LRMDA: variants seen among roughly 807,000 people sequenced by gnomAD.
LRMDA encodes the protein leucine rich melanocyte differentiation associated.
In LRMDA, 18 loss-of-function variants were observed where a neutral mutation model predicts 29.8. The ratio of observed to expected loss-of-function variants is 0.60; its 90% confidence interval spans 0.42 to 0.90. LRMDA has a LOEUF of 0.90. Among genes scored for constraint, LRMDA ranks in the 40% least tolerant of loss-of-function variants. The pLI is 0.00. For synonymous variants in LRMDA, 125 were observed against 109.4 expected (o/e 1.14, Z -0.89); for missense variants, 273 against 273.9 (o/e 1.00, Z 0.02).
chr10:75,597,083 TAG>T, intron 2 of LRMDA, among the ~76,000 whole-genome samples: 1 of 152,112 alleles, frequency 6.6e-6, no homozygotes, highest in Middle Eastern at 3.4e-3. Context: ...CTTATTTGGC[TAG>T]AGAGTTTTTG....
chr10:75,478,960 G>T, intron 2 of LRMDA, among the ~76,000 whole-genome samples: 1 of 152,138 alleles, frequency 6.6e-6, no homozygotes, highest in East Asian at 1.9e-4. Context: ...GTAGTTAATT[G>T]TATCTGGACC....
chr10:75,933,637 AGT>A (rs2132402715), intron 2 of LRMDA, among the ~76,000 whole-genome samples: 1 of 152,292 alleles, frequency 6.6e-6, no homozygotes, highest in African/African-American at 2.4e-5. Context: ...TGTCGTATCT[AGT>A]ACTCTGCACC....
At chr10:76,417,506 C>G (rs536298212) in intron 6 of LRMDA, among the ~76,000 whole-genome samples, 1 of 151,942 alleles carries the variant, frequency 6.6e-6, no homozygotes, top group Non-Finnish European at 1.5e-5. Flanking sequence ...GCCCCTGCCC[C>G]CCACAAACTC....
intron 2 of LRMDA, among the ~76,000 whole-genome samples, chr10:75,987,805 G>A (rs1847286900): frequency 6.6e-6 from 1 of 152,198 alleles, no homozygotes; most frequent in South Asian, 2.1e-4. Context: ...GGAGCACTGG[G>A]CAGCCCAGCC....
At chr10:75,809,670 A>T (rs116693189) in intron 2 of LRMDA, among the ~76,000 whole-genome samples, 1 of 152,016 alleles carries the variant, frequency 6.6e-6, no homozygotes, top group Non-Finnish European at 1.5e-5. Context: ...AAAGACAGAC[A>T]TGGACCCTGG....
chr10:76,430,246 G>A (rs903376940), intron 6 of LRMDA, among the ~76,000 whole-genome samples: 4 of 152,096 alleles, frequency 2.6e-5, no homozygotes, highest in Non-Finnish European at 5.9e-5. Context: ...ATTTTTATTA[G>A]CCTGGCATTG....
At chr10:75,787,973 G>A (rs1220347596) in intron 2 of LRMDA, among the ~76,000 whole-genome samples, 4 of 152,202 alleles carry the variant, frequency 2.6e-5, no homozygotes, top group African/African-American at 9.6e-5. Context: ...AGCTTGCAGT[G>A]AGCTGAGATC....
intron 2 of LRMDA, among the ~76,000 whole-genome samples, chr10:75,482,986 C>T (rs1015129993): frequency 2.0e-5 from 3 of 151,902 alleles, no homozygotes; most frequent in African/African-American, 7.3e-5. Flanking sequence ...ACTCTGTAGC[C>T]CAAGCTGGAG....
intron 2 of LRMDA, among the ~76,000 whole-genome samples, chr10:75,921,987 T>C (rs1056110654): frequency 6.6e-6 from 1 of 152,336 alleles, no homozygotes; most frequent in African/African-American, 2.4e-5. Flanking sequence ...CCCCCCAACA[T>C]TGGCCTCCTT....
At chr10:76,149,208 A>G (rs1589351177) in intron 5 of LRMDA, among the ~76,000 whole-genome samples, 1 of 152,356 alleles carries the variant, frequency 6.6e-6, no homozygotes, top group East Asian at 1.9e-4. Flanking sequence ...GCAGTAGATT[A>G]CTGTAAAGCT....
chr10:75,785,411 G>A (rs1843455128), intron 2 of LRMDA, among the ~76,000 whole-genome samples: 1 of 152,196 alleles, frequency 6.6e-6, no homozygotes, highest in African/African-American at 2.4e-5. Context: ...AGACCACACC[G>A]AACACTGAGC....
chr10:75,519,323 T>A (rs1845329523), intron 2 of LRMDA, among the ~76,000 whole-genome samples: 1 of 152,220 alleles, frequency 6.6e-6, no homozygotes, highest in Admixed American at 6.5e-5. Flanking sequence ...ACTATTATTG[T>A]GTGGGAGTCT....
chr10:75,518,054 T>C (rs1255567835), intron 2 of LRMDA, among the ~76,000 whole-genome samples: 2 of 152,148 alleles, frequency 1.3e-5, no homozygotes, highest in Non-Finnish European at 2.9e-5. Flanking sequence ...TGAAGCCCAC[T>C]TGATTGTGGT....
chr10:75,493,350 T>G (rs868251225), intron 2 of LRMDA, among the ~76,000 whole-genome samples: 96 of 138,618 alleles, frequency 6.9e-4, no homozygotes, highest in Middle Eastern at 3.7e-3. Flanking sequence ...TGAGATTGGG[T>G]GTGTGTGTGT....
chr10:76,084,645 C>T (rs149179046), intron 5 of LRMDA, among the ~76,000 whole-genome samples: 14 of 152,198 alleles, frequency 9.2e-5, no homozygotes, highest in Admixed American at 2.6e-4. Flanking sequence ...TGAAACTTAA[C>T]TTCATAGGTT....
chr10:75,499,442 C>T (rs1300497007), intron 2 of LRMDA, among the ~76,000 whole-genome samples: 1 of 152,176 alleles, frequency 6.6e-6, no homozygotes, highest in Admixed American at 6.5e-5. Context: ...GATGAGCAGG[C>T]CCAGGTGCTT....
chr10:76,170,607 C>T (rs1489089469), intron 5 of LRMDA, among the ~76,000 whole-genome samples: 1 of 152,156 alleles, frequency 6.6e-6, no homozygotes, highest in Non-Finnish European at 1.5e-5. Flanking sequence ...TAATTCTGCC[C>T]TAAAACTCTT....
chr10:76,145,797 A>G (rs1025001260), intron 5 of LRMDA, among the ~76,000 whole-genome samples: 2 of 152,018 alleles, frequency 1.3e-5, no homozygotes, highest in African/African-American at 2.4e-5. Flanking sequence ...TGTCACTTTT[A>G]GATCTTTCCT....
intron 6 of LRMDA, among the ~76,000 whole-genome samples, chr10:76,486,675 G>A (rs1842785495): frequency 1.3e-5 from 2 of 151,918 alleles, no homozygotes; most frequent in African/African-American, 2.4e-5. Context: ...TGTTTGGAGA[G>A]ATGTAGTGGG....
Sources: gnomAD v4.1 joint callset for allele counts (sites outside exome capture counted in the v4.1 genomes callset) on GRCh38, gnomAD v4.1.1 for gene constraint, MANE v1.5 for transcripts, NCBI Gene and HGNC (gene_info 2026-07-23, HGNC 2026-07-21) for gene names.